The following TWIST2 variants were observed in gnomAD, a reference collection of about 807,000 sequenced individuals.
TWIST2 encodes the protein twist family bHLH transcription factor 2.
Under a neutral mutation model 11.6 loss-of-function variants are expected in TWIST2, and 1 was observed. That is an observed-to-expected ratio of 0.09 (90% confidence interval 0.03 to 0.41). The LOEUF is 0.41. Ranked by LOEUF, TWIST2 falls within the 10% of genes least tolerant of loss-of-function variation. The probability of loss-of-function intolerance (pLI) is 0.98; values close to 1 mark genes in which losing one functional copy is unlikely to be tolerated. For missense variants in TWIST2, 168 were observed against 226.4 expected (o/e 0.74, Z 1.66); for synonymous variants, 87 against 96.6 (o/e 0.90, Z 0.58).
chr2:238,853,133 A>T (rs562489099), intron 1 of TWIST2, among the ~76,000 whole-genome samples: 2 of 152,318 alleles, frequency 1.3e-5, no homozygotes, highest in Admixed American at 1.3e-4. Context: ...TATAATAGCA[A>T]TACATTTATT....
At chr2:238,876,109 A>T (rs1272869412) in intron 1 of TWIST2, among the ~76,000 whole-genome samples, 5 of 152,148 alleles carry the variant, frequency 3.3e-5, no homozygotes, top group Non-Finnish European at 5.9e-5. Context: ...CTCCCAGTGC[A>T]CCGGTCACTG....
At chr2:238,892,386 TC>T (rs1693151810) in intron 1 of TWIST2, among the ~76,000 whole-genome samples, 1 of 152,214 alleles carries the variant, frequency 6.6e-6, no homozygotes, top group South Asian at 2.1e-4. Flanking sequence ...GCCAGGACCT[TC>T]CCCAGTCGCC....
rs534146809 is a variant in TWIST2 at position 238,850,102 on chromosome 2, GTT to G, written c.*35+1372_*35+1373del. Among the ~76,000 whole-genome samples the G allele has an allele frequency of 3.5e-4, 54 of 152,266 alleles. 1 individual carries two copies. The South Asian group carries it at 9.3e-3, about 26-fold the overall frequency. On this transcript the variant is annotated intron_variant, in intron 1 of 1. Coordinates refer to ENST00000612363, the MANE Select transcript of TWIST2 (RefSeq NM_001271893.4). ...CGAAAAGCTGATCCAGCACAGGTGG[GTT>G]TTATTTCATTTTTTTAGCTTTTATT...
intron 1 of TWIST2, among the ~76,000 whole-genome samples, chr2:238,896,251 A>G (rs1048053049): frequency 0.05 from 7,665 of 152,264 alleles, 427 homozygotes; most frequent in East Asian, 0.18. Context: ...TGTGTGGGGC[A>G]TCCAAAAGCG....
intron 1 of TWIST2, among the ~76,000 whole-genome samples, chr2:238,883,097 C>A (rs893961442): frequency 2.0e-5 from 3 of 152,172 alleles, no homozygotes; most frequent in Non-Finnish European, 4.4e-5. Context: ...TCTAGAAACC[C>A]GAGCAGGGCC....
chr2:238,888,660 C>T (rs1460477094), intron 1 of TWIST2, among the ~76,000 whole-genome samples: 1 of 152,156 alleles, frequency 6.6e-6, no homozygotes, highest in Non-Finnish European at 1.5e-5. Context: ...TATAAGAAGT[C>T]GTAGCCCCTG....
At chr2:238,856,077 T>TG (rs1459531379) in intron 1 of TWIST2, among the ~76,000 whole-genome samples, 1 of 152,102 alleles carries the variant, frequency 6.6e-6, no homozygotes, top group Non-Finnish European at 1.5e-5. Flanking sequence ...GTGCGGTGGC[T>TG]GTGGCAGAGG....
intron 1 of TWIST2, among the ~76,000 whole-genome samples, chr2:238,882,750 T>C (rs1430094681): frequency 6.6e-6 from 1 of 152,198 alleles, no homozygotes; most frequent in Non-Finnish European, 1.5e-5. Context: ...ATGAGGGAAC[T>C]TCCTGGGAGC....
chr2:238,909,462 G>T (rs1693415925), intron 1 of TWIST2, among the ~76,000 whole-genome samples: 4 of 152,148 alleles, frequency 2.6e-5, no homozygotes, highest in Admixed American at 2.6e-4. Context: ...CCAACGTGCC[G>T]AGCCTCTCTT....
chr2:238,852,191 C>A (rs1692254124), intron 1 of TWIST2, among the ~76,000 whole-genome samples: 1 of 152,056 alleles, frequency 6.6e-6, no homozygotes, highest in Non-Finnish European at 1.5e-5. Context: ...GAGCAGAGCA[C>A]TATAACTCAT....
At chr2:238,881,062 T>C (rs1390070746) in intron 1 of TWIST2, among the ~76,000 whole-genome samples, 2 of 91,162 alleles carry the variant, frequency 2.2e-5, no homozygotes, top group Non-Finnish European at 4.3e-5. Flanking sequence ...GTGTCAGTGT[T>C]AGTGTTAGTG....
Position 238,890,886 on chromosome 2 carries a change from A to T in TWIST2, c.*36-18956A>T, listed in dbSNP as rs186474469. Among the ~76,000 whole-genome samples, 565 of 152,260 alleles carry T rather than the reference A, an allele frequency of 3.7e-3. 5 individuals are homozygous for T. Among genetic ancestry groups the T allele is most frequent in the African/African-American group, 0.013 (532 of 41,558 alleles). ...GATTGAAATCGTTCTGCCCACCGTC[A>T]TCACAAACAGCACTGAGACACTCGA... On this transcript the variant is annotated intron_variant, in intron 1 of 1. Transcript: ENST00000612363.
intron 1 of TWIST2, among the ~76,000 whole-genome samples, chr2:238,853,757 A>G (rs1240344119): frequency 6.6e-6 from 1 of 152,226 alleles, no homozygotes; most frequent in Non-Finnish European, 1.5e-5. Flanking sequence ...CCAACACATA[A>G]CTTGATTCCA....
intron 1 of TWIST2, among the ~76,000 whole-genome samples, chr2:238,865,980 A>C (rs1229100132): frequency 6.6e-6 from 1 of 151,998 alleles, no homozygotes; most frequent in Non-Finnish European, 1.5e-5. Flanking sequence ...TCCCCTCTTC[A>C]GGCCCTTCTT....
chr2:238,877,758 C>T (rs1169654296), intron 1 of TWIST2, among the ~76,000 whole-genome samples: 4 of 152,162 alleles, frequency 2.6e-5, no homozygotes, highest in Non-Finnish European at 5.9e-5. Context: ...ATTTCTTTTA[C>T]AATTTAATTT....
rs1301471253 is a variant in TWIST2 at position 238,863,696 on chromosome 2, G to C, written c.*35+14963G>C. On this transcript the variant is annotated intron_variant, in intron 1 of 1. Coordinates refer to ENST00000612363, the MANE Select transcript of TWIST2 (RefSeq NM_001271893.4). This position sits in a 1 kb window ranked among gnomAD's most constrained non-coding sequence, Gnocchi z 4.7. ...GGAAAAAACCTCAATGAACCCCTTA[G>C]CTGTTCCCCGAACCCAAATTGAGAA... Among the ~76,000 whole-genome samples, 1 of 152,170 alleles carries C rather than the reference G, an allele frequency of 6.6e-6. No homozygotes were observed. Among genetic ancestry groups the C allele is most frequent in the Non-Finnish European group, 1.5e-5 (1 of 68,026 alleles).
At chr2:238,854,111 C>T (rs1196906820) in intron 1 of TWIST2, among the ~76,000 whole-genome samples, 1 of 152,180 alleles carries the variant, frequency 6.6e-6, no homozygotes, top group Non-Finnish European at 1.5e-5. Context: ...AACTTGGACA[C>T]ATCTCTCCTT....
At chr2:238,860,273 A>G (rs1328631393) in intron 1 of TWIST2, among the ~76,000 whole-genome samples, 2 of 151,920 alleles carry the variant, frequency 1.3e-5, no homozygotes. Context: ...GGTGGCACTA[A>G]CTCGTTCAGC....
chr2:238,876,849 C>T (rs779304445), intron 1 of TWIST2, among the ~76,000 whole-genome samples: 4 of 152,054 alleles, frequency 2.6e-5, no homozygotes, highest in African/African-American at 9.7e-5. Context: ...TAAAGGGAAT[C>T]GACTCGAGAT....
Sources: gnomAD v4.1 joint callset for allele counts (sites outside exome capture counted in the v4.1 genomes callset) on GRCh38, gnomAD v4.1.1 for gene constraint, Gnocchi (gnomAD v3.1) non-coding constraint, MANE v1.5 for transcripts, NCBI Gene and HGNC (gene_info 2026-07-23, HGNC 2026-07-21) for gene names.